The following IQCM variants were observed in gnomAD, a reference collection of about 807,000 sequenced individuals.
The protein encoded by IQCM is IQ motif containing M.
IQCM carries 45 observed loss-of-function variants against 57.6 expected under a neutral mutation model. The observed-to-expected ratio is 0.78, with a 90% CI of 0.62 to 1.00. The LOEUF (loss-of-function observed/expected upper bound fraction) is 1.00, where lower values mean the gene tolerates loss of function less well. IQCM is among the 50% of genes least tolerant of loss of function. The pLI is 0.00. For synonymous variants in IQCM, 148 were observed against 158.9 expected, an observed-to-expected ratio of 0.93 and a Z score of 0.51; for missense variants, 468 against 511.6, an observed-to-expected ratio of 0.91 and a Z score of 0.82.
intron 13 of IQCM, among the ~76,000 whole-genome samples, chr4:149,431,724 AATGGAATT>A (rs1488415712): frequency 2.6e-5 from 4 of 151,932 alleles, no homozygotes; most frequent in Non-Finnish European, 5.9e-5. Flanking sequence ...GTGCCACTTA[AATGGAATT>A]ATACCATAGC....
intron 12 of IQCM, among the ~76,000 whole-genome samples, chr4:149,452,905 A>AT (rs1369964300): frequency 6.6e-6 from 1 of 151,454 alleles, no homozygotes; most frequent in Non-Finnish European, 1.5e-5. Context: ...AAAAAAAAAA[A>AT]GCTTTAAACA....
chr4:149,386,692 A>C (rs2111061742), intron 13 of IQCM, among the ~76,000 whole-genome samples: 1 of 152,172 alleles, frequency 6.6e-6, no homozygotes, highest in Admixed American at 6.6e-5. Flanking sequence ...ATGTCTTCTA[A>C]GTCTCTTAAT....
chr4:149,725,136 G>A (rs889260501), intron 5 of IQCM, among the ~76,000 whole-genome samples: 3 of 152,090 alleles, frequency 2.0e-5, no homozygotes, highest in Admixed American at 6.6e-5. Context: ...TTGTTACAGG[G>A]TATTCTTTAA....
At chr4:149,794,468 A>C (rs1772929246) in intron 2 of IQCM, among the ~76,000 whole-genome samples, 2 of 152,230 alleles carry the variant, frequency 1.3e-5, no homozygotes. Flanking sequence ...TTTATGTTAA[A>C]ATATCCCATT....
At chr4:149,797,511 G>C (rs112302575) in intron 2 of IQCM, among the ~76,000 whole-genome samples, 2 of 151,870 alleles carry the variant, frequency 1.3e-5, no homozygotes, top group African/African-American at 4.8e-5. Context: ...TTATTCAAGG[G>C]GATAATAAGA....
chr4:149,663,050 T>A (rs1363153695), intron 7 of IQCM, among the ~76,000 whole-genome samples: 1 of 151,974 alleles, frequency 6.6e-6, no homozygotes, highest in African/African-American at 2.4e-5. Flanking sequence ...CCTTTCTCTT[T>A]CTCTTTTGTG....
intron 7 of IQCM, among the ~76,000 whole-genome samples, chr4:149,657,560 T>A (rs2150145921): frequency 6.6e-6 from 1 of 152,266 alleles, no homozygotes; most frequent in Admixed American, 6.5e-5. Flanking sequence ...CAGGTCTATT[T>A]TTAACATTTT....
intron 13 of IQCM, among the ~76,000 whole-genome samples, chr4:149,371,127 T>C (rs1243234975): frequency 6.6e-6 from 1 of 152,102 alleles, no homozygotes; most frequent in Non-Finnish European, 1.5e-5. Flanking sequence ...TCAAACAGGG[T>C]CTACATCTAT....
intron 2 of IQCM, among the ~76,000 whole-genome samples, chr4:149,787,778 G>A (rs1310202955): frequency 6.6e-6 from 1 of 152,078 alleles, no homozygotes; most frequent in African/African-American, 2.4e-5. Context: ...TGTAGACAAT[G>A]ATTTTATGGC....
chr4:149,717,411 TC>T (rs1428993961), intron 5 of IQCM, among the ~76,000 whole-genome samples: 1 of 152,198 alleles, frequency 6.6e-6, no homozygotes, highest in Non-Finnish European at 1.5e-5. Flanking sequence ...ACAGAATTAT[TC>T]TGTGTTGTGG....
chr4:149,623,710 G>C (rs1323581590), intron 7 of IQCM, among the ~76,000 whole-genome samples: 1 of 150,768 alleles, frequency 6.6e-6, no homozygotes, highest in Non-Finnish European at 1.5e-5. Flanking sequence ...TAAAGGTTCT[G>C]AATCCCAGGT....
intron 13 of IQCM, among the ~76,000 whole-genome samples, chr4:149,423,733 G>T (rs1734275806): frequency 6.6e-6 from 1 of 151,908 alleles, no homozygotes; most frequent in Admixed American, 6.6e-5. Context: ...TGAGAGGGAA[G>T]ATGTTTTATT....
At chr4:149,691,708 A>G (rs184162145) in intron 5 of IQCM, 1 of 152,294 alleles carries the variant, frequency 6.6e-6, no homozygotes, top group East Asian at 1.9e-4. Context: ...GAAAGGAGCC[A>G]ATATAGATCA....
chr4:149,395,321 A>G (rs1732147142), intron 13 of IQCM, among the ~76,000 whole-genome samples: 1 of 152,072 alleles, frequency 6.6e-6, no homozygotes, highest in African/African-American at 2.4e-5. Flanking sequence ...AAGAAGTGCC[A>G]CTTTACATGG....
At chr4:149,519,079 A>G (rs1317412197) in intron 12 of IQCM, among the ~76,000 whole-genome samples, 1 of 152,118 alleles carries the variant, frequency 6.6e-6, no homozygotes, top group Non-Finnish European at 1.5e-5. Context: ...GCAAGTGACC[A>G]TTTTTCCCAG....
intron 5 of IQCM, among the ~76,000 whole-genome samples, chr4:149,720,176 C>A (rs1240320940): frequency 6.6e-6 from 1 of 152,166 alleles, no homozygotes; most frequent in African/African-American, 2.4e-5. Flanking sequence ...AATCAGAAAA[C>A]CTCTGCAAGT....
At chr4:149,778,551 TA>T (rs1771320488) in intron 2 of IQCM, among the ~76,000 whole-genome samples, 1 of 151,826 alleles carries the variant, frequency 6.6e-6, no homozygotes, top group African/African-American at 2.4e-5. Flanking sequence ...GCAATAAAAA[TA>T]AGAGCAAAAA....
intron 2 of IQCM, among the ~76,000 whole-genome samples, chr4:149,809,614 T>C (rs185134306): frequency 3.3e-5 from 5 of 152,310 alleles, no homozygotes; most frequent in Non-Finnish European, 5.9e-5. Context: ...AAAAGTAAGC[T>C]TGATACACAG....
At chr4:149,364,278 G>A (rs1729687764) in intron 13 of IQCM, among the ~76,000 whole-genome samples, 1 of 152,098 alleles carries the variant, frequency 6.6e-6, no homozygotes, top group African/African-American at 2.4e-5. Context: ...TTTTATTGAA[G>A]GGGGCTATAG....
Sources: allele counts gnomAD v4.1 joint callset (sites outside exome capture counted in the v4.1 genomes callset), GRCh38; gene constraint gnomAD v4.1.1; transcripts MANE v1.5; gene names NCBI Gene and HGNC (gene_info 2026-07-23, HGNC 2026-07-21).